ZAR1L: variants seen among roughly 807,000 people sequenced by gnomAD.
ZAR1L encodes the protein protein ZAR1-like.
In ZAR1L, 16 loss-of-function variants were observed where a neutral mutation model predicts 30.0. That is an observed-to-expected ratio of 0.53 (90% CI 0.36 to 0.81). The LOEUF is 0.81. Ranked by LOEUF, ZAR1L falls within the 30% of genes least tolerant of loss-of-function variation. The pLI is 0.00. For missense variants in ZAR1L, 392 were observed against 417.2 expected, an observed-to-expected ratio of 0.94 and a Z score of 0.53; for synonymous variants, 197 against 166.8, an observed-to-expected ratio of 1.18 and a Z score of -1.40.
At chr13:32,310,107 G>A (rs1330498188) in intron 4 of ZAR1L, among the ~76,000 whole-genome samples, 1 of 152,216 alleles carries the variant, frequency 6.6e-6, no homozygotes, top group Non-Finnish European at 1.5e-5. Flanking sequence ...CTCAAACGAG[G>A]GTCTCTAATG....
In ZAR1L at chr13:32,312,028, T is replaced by C; in HGVS notation, c.-103A>G. The C allele has an allele frequency of 7.7e-7, 1 of 1,301,272 alleles. No individual in the cohort carries two copies. The highest frequency in any genetic ancestry group is 1.0e-6 in the Non-Finnish European group (1 of 971,962). 80.6% of individuals were successfully genotyped at this position (1,301,272 alleles called of 1,614,324 possible). A position where few individuals can be genotyped will look rare whatever the true frequency, so the allele number is the denominator to read the frequency against. ...CGCCCCTTCTTTCTCTTCATCAGGT[T>C]GGTTCAGATTCATTCCTGGCTTCTC... On this transcript the variant is annotated 5_prime_UTR_variant, in exon 3 of 6. Transcript: ENST00000533490.
chr13:32,311,382 C>A lies in ZAR1L; in HGVS notation c.544G>T (p.Gly182Trp), dbSNP rs994294492. The change falls in exon 3 of 6, where the codon GGG (glycine) becomes TGG (tryptophan). Residue 182 changes from glycine to tryptophan, a missense_variant. Coordinates refer to ENST00000533490, the MANE Select transcript of ZAR1L (RefSeq NM_001136571.2). ...RSGADRQEEP[G>W]QLEESGEKDA... The stretch of plus-strand genomic sequence containing the variant: ...TTCTCCCCCGATTCCTCCAGCTGCC[C>A]GGGCTCCTCCTGCCTGTCAGCTCCT... The A allele has an allele frequency of 6.4e-7, 1 of 1,550,750 alleles. No individual in the cohort carries two copies. The highest frequency in any genetic ancestry group is 2.0e-5 in the Admixed American group (1 of 51,012).
rs925697365 is a variant in ZAR1L at position 32,311,821 on chromosome 13, C to T, written c.105G>A (p.Arg35=). The change falls in exon 3 of 6, where the codon AGG becomes AGA. Residue 35 remains arginine (R), a synonymous_variant. Coordinates refer to ENST00000533490, the MANE Select transcript of ZAR1L (RefSeq NM_001136571.2). The stretch of plus-strand genomic sequence containing the variant: ...GAAAAGTGGGAGGACCCATATTTTG[C>T]CTCCAGTCGGGCTGTTTGTGCCCTG... ...GLSGHKQPDW[R]QNMGPPTFLA... 6.4e-7 allele frequency: 1 copy of T among 1,551,680 alleles called. No homozygotes were observed. Among genetic ancestry groups the T allele is most frequent in the Admixed American group, 2.0e-5 (1 of 51,010 alleles).
chr13:32,312,304 A>C (rs1444515412), intron 2 of ZAR1L, among the ~76,000 whole-genome samples: 1 of 152,208 alleles, frequency 6.6e-6, no homozygotes, highest in Non-Finnish European at 1.5e-5. Context: ...TAATGTGGTA[A>C]TGTTAGATAA....
intron 2 of ZAR1L, 84 bp downstream of exon 2, chr13:32,314,246 C>G (rs2072233825): frequency 1.3e-5 from 2 of 152,196 alleles, no homozygotes; most frequent in Non-Finnish European, 2.9e-5. Context: ...TAGAATCTAT[C>G]TGCATTAGTA....
rs186726008 is a variant in ZAR1L, at chr13:32,304,049, C to T, written c.823-27G>A. Reference sequence around the variant, plus strand: ...TTTAGGAAACAAAGAAGAGTTTGGACGCTAAATGATCAGTTTAGTGTTTCA... The same window carrying T: ...TTTAGGAAACAAAGAAGAGTTTGGATGCTAAATGATCAGTTTAGTGTTTCA... On this transcript the variant is annotated intron_variant, in intron 5 of 5. Coordinates refer to ENST00000533490, the MANE Select transcript of ZAR1L (RefSeq NM_001136571.2). 6.5e-3 allele frequency: 10,117 copies of T among 1,546,516 alleles called. 49 individuals are homozygous for T. Among genetic ancestry groups the T allele is most frequent in the South Asian group, 9.0e-3 (750 of 83,574 alleles).
intron 5 of ZAR1L, among the ~76,000 whole-genome samples, chr13:32,305,684 CT>C (rs757688554): frequency 6.6e-6 from 1 of 152,168 alleles, no homozygotes; most frequent in Non-Finnish European, 1.5e-5. Flanking sequence ...TTGATTTTTG[CT>C]TCTGGAAATG....
At chr13:32,307,576 C>G (rs1163992742) in intron 5 of ZAR1L, among the ~76,000 whole-genome samples, 3 of 136,276 alleles carry the variant, frequency 2.2e-5, no homozygotes, top group African/African-American at 8.4e-5. Context: ...CATGTTATTT[C>G]TATGGTAACC....
chr13:32,309,408 C>G (rs2072198032), intron 4 of ZAR1L, among the ~76,000 whole-genome samples: 1 of 152,136 alleles, frequency 6.6e-6, no homozygotes, highest in East Asian at 1.9e-4. Context: ...TTGTCCTTAT[C>G]TTTTAGCTCT....
intron 2 of ZAR1L, among the ~76,000 whole-genome samples, chr13:32,312,859 C>G (rs950564296): frequency 4.6e-5 from 7 of 152,070 alleles, no homozygotes; most frequent in African/African-American, 1.7e-4. Flanking sequence ...GTCTGGGCAA[C>G]AGAGAGAGAA....
chr13:32,313,188 C>T (rs1010334781), intron 2 of ZAR1L, among the ~76,000 whole-genome samples: 2 of 152,144 alleles, frequency 1.3e-5, no homozygotes, highest in African/African-American at 2.4e-5. Flanking sequence ...GTATTTTATA[C>T]TGAAAAGTTT....
At chr13:32,307,814 T>C (rs1011510034) in intron 5 of ZAR1L, among the ~76,000 whole-genome samples, 1 of 152,180 alleles carries the variant, frequency 6.6e-6, no homozygotes, top group African/African-American at 2.4e-5. Flanking sequence ...ATTAATTAAT[T>C]ATTTTTGAGA....
In ZAR1L at chr13:32,311,871, C is replaced by T. The variant is rs560878294; in HGVS notation, c.55G>A (p.Val19Met). The T allele has an allele frequency of 6.4e-5, 100 of 1,551,674 alleles. No individual in the cohort carries two copies. The highest frequency in any genetic ancestry group is 7.1e-5 in the Non-Finnish European group (82 of 1,146,980). ...GAGAGTCCAGGCTGGCCCAAAGGCA[C>T]TGTGCTCCCATAACCCTGGTACAAG... Reference protein sequence around the residue: ...YGLYQGYGSTVPLGQPGLSGH... With the variant: ...YGLYQGYGSTMPLGQPGLSGH... Residue 19 changes from valine (V) to methionine (M), a missense_variant, in exon 3 of 6, where the codon GTG becomes ATG. By Grantham distance (21) the Val-to-Met change is conservative. Transcript: ENST00000533490.
chr13:32,307,993 G>T (rs1593874207), intron 5 of ZAR1L, among the ~76,000 whole-genome samples: 2 of 152,020 alleles, frequency 1.3e-5, no homozygotes, highest in African/African-American at 4.8e-5. Flanking sequence ...AATAGAGACG[G>T]GGTTTCACTA....
chr13:32,308,452 G>C (rs2072191263), intron 5 of ZAR1L, among the ~76,000 whole-genome samples: 1 of 152,214 alleles, frequency 6.6e-6, no homozygotes, highest in African/African-American at 2.4e-5. Context: ...CAGGGTGTCA[G>C]AGGAAAAACA....
At chr13:32,310,428 T>C (rs536965163) in intron 4 of ZAR1L, among the ~76,000 whole-genome samples, 36 of 152,350 alleles carry the variant, frequency 2.4e-4, no homozygotes, top group African/African-American at 7.9e-4. Context: ...TCTTGTCATA[T>C]ATAACGCCAG....
rs552462216 is a variant in ZAR1L, at chr13:32,314,454, A to G, written c.-293T>C. ...TTTTGTAGGTCTTACAACAAACCCTATTCAGCCTTGTATTAGGCATGTTAC... is the reference window on the plus strand; with the variant it reads ...TTTTGTAGGTCTTACAACAAACCCTGTTCAGCCTTGTATTAGGCATGTTAC... On this transcript the variant is annotated 5_prime_UTR_variant, in exon 2 of 6. Transcript: ENST00000533490. 13 of 152,392 alleles carry G rather than the reference A, an allele frequency of 8.5e-5. No individual in the cohort carries two copies. In the East Asian group the frequency reaches 2.5e-3, roughly 29 times the overall value. 9.4% of individuals were successfully genotyped at this position (152,392 alleles called of 1,614,324 possible).
At chr13:32,312,466 G>A (rs73452625) in intron 2 of ZAR1L, among the ~76,000 whole-genome samples, 2,189 of 152,264 alleles carry the variant, frequency 0.014, 48 homozygotes, top group African/African-American at 0.049. Flanking sequence ...TTCCTTGTTC[G>A]TTGTAGCATT....
At chr13:32,313,478 C>T (rs879269602) in intron 2 of ZAR1L, among the ~76,000 whole-genome samples, 3 of 152,166 alleles carry the variant, frequency 2.0e-5, no homozygotes, top group Non-Finnish European at 4.4e-5. Flanking sequence ...GTGATTCTCC[C>T]ACCTCAGCCT....
Sources: gnomAD v4.1 joint callset for allele counts (sites outside exome capture counted in the v4.1 genomes callset) on GRCh38, gnomAD v4.1.1 for gene constraint, MANE v1.5 for transcripts, NCBI Gene and HGNC (gene_info 2026-07-23, HGNC 2026-07-21) for gene names.